Variants in STX12 observed in about 807,000 individuals in gnomAD.
The protein encoded by STX12 is syntaxin-12.
STX12 carries 17 observed loss-of-function variants against 42.2 expected under a neutral mutation model. That is an observed-to-expected ratio of 0.40 (90% CI 0.28 to 0.60). The LOEUF is 0.60. Ranked by LOEUF, STX12 falls within the 20% of genes least tolerant of loss-of-function variation. The pLI is 0.39. For synonymous variants in STX12, 108 were observed against 116.7 expected (o/e 0.93, Z 0.48); for missense variants, 297 against 330.9 (o/e 0.90, Z 0.79).
chr1:27,800,154 C>T (rs550984300), intron 3 of STX12, among the ~76,000 whole-genome samples: 3 of 152,342 alleles, frequency 2.0e-5, no homozygotes, highest in African/African-American at 7.2e-5. Flanking sequence ...TCCAACCAAA[C>T]AGTCTGTCTA....
chr1:27,822,607 A>G lies in STX12; in HGVS notation c.*278A>G, dbSNP rs2088992438. The G allele has an allele frequency of 2.0e-5, 6 of 295,102 alleles. No individual in the cohort carries two copies. Among genetic ancestry groups the G allele is most frequent in the South Asian group, 1.9e-4 (3 of 15,678 alleles). The allele number at this position is 295,102 out of a possible 1,614,324, so 18.3% of individuals were successfully genotyped here. Reference sequence around the variant, plus strand: ...CCCTTCATCCCAAGTGTTTACTGAAAATTCCATTCTAGATATTCTTGTTTT... The same window carrying G: ...CCCTTCATCCCAAGTGTTTACTGAAGATTCCATTCTAGATATTCTTGTTTT... On this transcript the variant is annotated 3_prime_UTR_variant, in exon 9 of 9. Coordinates refer to ENST00000373943, the MANE Select transcript of STX12 (RefSeq NM_177424.3).
rs765642541 is a variant in STX12, at chr1:27,822,315, T to G, written c.817T>G (p.Tyr273Asp). 5 of 1,610,688 alleles carry G rather than the reference T, an allele frequency of 3.1e-6. No individual in the cohort carries two copies. The highest frequency in any genetic ancestry group is 1.6e-4 in the Middle Eastern group (1 of 6,080). Residue 273 changes from tyrosine to aspartate, a missense_variant, in exon 9 of 9, where the codon TAT becomes GAT. By Grantham distance (160) the Tyr-to-Asp change is radical. Transcript: ENST00000373943. Reference sequence around the variant, plus strand: ...CTTGGGACTTATTATCTGGCTAGTTTATAAAACGAAGTGATTGCCTCCGAT... The same window carrying G: ...CTTGGGACTTATTATCTGGCTAGTTGATAAAACGAAGTGATTGCCTCCGAT... ...LILGLIIWLV[Y>D]KTK
intron 7 of STX12, 35 bp downstream of exon 7, chr1:27,817,958 G>A (rs1369096009): frequency 6.4e-7 from 1 of 1,565,382 alleles, no homozygotes; most frequent in Non-Finnish European, 8.8e-7. Flanking sequence ...CTCAAGGTGA[G>A]TTGATAGTAT....
chr1:27,800,645 C>T (rs1459097130), intron 3 of STX12, among the ~76,000 whole-genome samples: 2 of 151,990 alleles, frequency 1.3e-5, no homozygotes, highest in African/African-American at 4.8e-5. Context: ...CCTCCTGCCC[C>T]AGCCTCTGAG....
chr1:27,782,270 T>G (rs910742776), intron 1 of STX12, among the ~76,000 whole-genome samples: 5 of 152,082 alleles, frequency 3.3e-5, no homozygotes, highest in Non-Finnish European at 7.3e-5. Flanking sequence ...CAAGTAATTT[T>G]TTAATTTTTT....
chr1:27,803,538 A>T (rs1267103955), intron 4 of STX12, among the ~76,000 whole-genome samples: 2 of 152,236 alleles, frequency 1.3e-5, no homozygotes, highest in Admixed American at 6.5e-5. Flanking sequence ...CATCTTATTG[A>T]AGGAAATTCT....
chr1:27,789,055 T>G (rs2088720197), intron 1 of STX12, among the ~76,000 whole-genome samples: 2 of 152,130 alleles, frequency 1.3e-5, no homozygotes, highest in South Asian at 4.1e-4. Context: ...TACTGGAGAT[T>G]GCTGTTGTGA....
intron 4 of STX12, among the ~76,000 whole-genome samples, chr1:27,805,008 G>A (rs1048478475): frequency 1.5e-4 from 23 of 152,120 alleles, no homozygotes; most frequent in African/African-American, 5.6e-4. Flanking sequence ...GCGGAGAGAA[G>A]GGGAAAGCCC....
chr1:27,775,705 T>C (rs1300634967), intron 1 of STX12, among the ~76,000 whole-genome samples: 1 of 152,182 alleles, frequency 6.6e-6, no homozygotes, highest in Non-Finnish European at 1.5e-5. Context: ...ATAAATAACA[T>C]GCAGGTATTC....
intron 8 of STX12, among the ~76,000 whole-genome samples, chr1:27,822,005 G>A (rs2088987792): frequency 6.6e-6 from 1 of 151,834 alleles, no homozygotes; most frequent in Non-Finnish European, 1.5e-5. Context: ...GTGACGGAGT[G>A]AGACTCTGTC....
intron 3 of STX12, among the ~76,000 whole-genome samples, chr1:27,798,218 G>C (rs956082747): frequency 4.6e-5 from 7 of 152,050 alleles, no homozygotes; most frequent in Non-Finnish European, 2.9e-5. Flanking sequence ...AGGTCAACTT[G>C]ATGGAATATA....
chr1:27,789,511 T>C, intron 1 of STX12, 51 bp from the exon 2 acceptor site: 2 of 1,407,714 alleles, frequency 1.4e-6, no homozygotes, highest in South Asian at 1.2e-5. Flanking sequence ...AGGGTACTCA[T>C]GATGAATGTA....
rs1183560675 is a variant in STX12, at chr1:27,792,238, ATG to A, written c.189-1293_189-1292del. Among the ~76,000 whole-genome samples the A allele has an allele frequency of 3.2e-3, 390 of 123,360 alleles. 78 individuals are homozygous for A. Among genetic ancestry groups the A allele is most frequent in the East Asian group, 0.011 (30 of 2,798 alleles). The allele number at this position is 123,360 out of a possible 152,430, so 80.9% of individuals were successfully genotyped here. ...TCTATATATATGTATATACATATAT[ATG>A]TATCTATATATATGTAGATACATAT... On this transcript the variant is annotated intron_variant, in intron 2 of 8. Transcript: ENST00000373943.
At position 27,822,701 on chromosome 1, in the gene STX12, T is replaced by C. The variant is rs754159918; in HGVS notation, c.*372T>C. 1.2e-5 allele frequency: 2 copies of C among 167,622 alleles called. No individual in the cohort carries two copies. Among genetic ancestry groups the C allele is most frequent in the Non-Finnish European group, 2.6e-5 (2 of 76,700 alleles). The allele number at this position is 167,622 out of a possible 1,614,324, so 10.4% of individuals were successfully genotyped here. A position where few individuals can be genotyped will look rare whatever the true frequency, so the allele number is the denominator to read the frequency against. On this transcript the variant is annotated 3_prime_UTR_variant, in exon 9 of 9. Transcript: ENST00000373943. ...TACAAAATTTACCTTTTTACTAGCATCTGAGATAGAGTTACTTTCTGGTAC... is the reference window on the plus strand; with the variant it reads ...TACAAAATTTACCTTTTTACTAGCACCTGAGATAGAGTTACTTTCTGGTAC...
chr1:27,789,096 T>C (rs2088720446), intron 1 of STX12, among the ~76,000 whole-genome samples: 1 of 152,200 alleles, frequency 6.6e-6, no homozygotes, highest in South Asian at 2.1e-4. Context: ...ACAAAGCTCT[T>C]AGTATATAGT....
At chr1:27,779,318 G>A (rs922513196) in intron 1 of STX12, among the ~76,000 whole-genome samples, 1 of 146,872 alleles carries the variant, frequency 6.8e-6, no homozygotes, top group African/African-American at 2.7e-5. Context: ...GAATCAGATG[G>A]TTTTTTTTGT....
intron 3 of STX12, among the ~76,000 whole-genome samples, chr1:27,797,489 G>A (rs1235806973): frequency 2.6e-5 from 4 of 151,958 alleles, no homozygotes; most frequent in Admixed American, 6.6e-5. Flanking sequence ...CCTCCTTCCC[G>A]GACTTCATAT....
At position 27,817,924 on chromosome 1, in the gene STX12, G is replaced by A. The variant is rs2148608225; in HGVS notation, c.649+1G>A. 1 of 1,613,084 alleles carries A rather than the reference G, an allele frequency of 6.2e-7. No homozygotes were observed. The highest frequency in any genetic ancestry group is 1.3e-5 in the African/African-American group (1 of 75,000). On this transcript the variant is annotated splice_donor_variant, in intron 7 of 8. Transcript: ENST00000373943. LOFTEE classifies it high-confidence loss of function. ...ATCCATGACCAGGGTGATCTGATTG[G>A]TATGTATTATTGATACCTTTAACCT...
intron 4 of STX12, among the ~76,000 whole-genome samples, chr1:27,809,246 A>G (rs1040919047): frequency 1.3e-5 from 2 of 151,652 alleles, no homozygotes; most frequent in Non-Finnish European, 2.9e-5. Flanking sequence ...AGGCAGAAGA[A>G]TCGCTTGAAC....
Sources: allele counts gnomAD v4.1 joint callset (sites outside exome capture counted in the v4.1 genomes callset), GRCh38; gene constraint gnomAD v4.1.1; transcripts MANE v1.5; gene names NCBI Gene and HGNC (gene_info 2026-07-23, HGNC 2026-07-21).